The following ARHGEF28 variants were observed in gnomAD, a reference collection of about 807,000 sequenced individuals.
The protein encoded by ARHGEF28 is Rho guanine nucleotide exchange factor 28, also known as 190 kDa guanine nucleotide exchange factor.
ARHGEF28 carries 152 observed loss-of-function variants against 206.6 expected under a neutral mutation model. The observed-to-expected ratio is 0.74, with a 90% CI of 0.64 to 0.84. The LOEUF is 0.84. ARHGEF28 is among the 40% of genes least tolerant of loss of function. The pLI, the probability that ARHGEF28 is intolerant of heterozygous loss-of-function variation, is 0.00. For missense variants in ARHGEF28, 2,028 were observed against 2,073.2 expected, an observed-to-expected ratio of 0.98 and a Z score of 0.42; for synonymous variants, 763 against 776.4, an observed-to-expected ratio of 0.98 and a Z score of 0.29.
At chr5:73,635,679 A>G (rs2112126385) in intron 1 of ARHGEF28, among the ~76,000 whole-genome samples, 1 of 152,334 alleles carries the variant, frequency 6.6e-6, no homozygotes, top group South Asian at 2.1e-4. Context: ...ACATTTAGGT[A>G]TAAGAATCAG....
rs116264552 is a variant in ARHGEF28, at chr5:73,758,229, C to T, written c.475+5027C>T. On this transcript the variant is annotated intron_variant, in intron 4 of 35. Coordinates refer to ENST00000513042, the MANE Select transcript of ARHGEF28 (RefSeq NM_001177693.2). ...TTCTCTCCTAACCTATGGAGTAGGTCGAGCTTGTCCTGGTTAGGATTTCTA... is the reference window on the plus strand; with the variant it reads ...TTCTCTCCTAACCTATGGAGTAGGTTGAGCTTGTCCTGGTTAGGATTTCTA... Among the ~76,000 whole-genome samples the T allele has an allele frequency of 6.0e-3, 917 of 152,242 alleles. 10 individuals are homozygous for T. The highest frequency in any genetic ancestry group is 0.021 in the African/African-American group (867 of 41,530).
intron 1 of ARHGEF28, among the ~76,000 whole-genome samples, chr5:73,675,310 T>C (rs1235181938): frequency 6.6e-6 from 1 of 152,186 alleles, no homozygotes; most frequent in Non-Finnish European, 1.5e-5. Context: ...CTGTTTTTTT[T>C]CTACTGAGTG....
At chr5:73,818,601 T>C (rs920053925) in intron 9 of ARHGEF28, among the ~76,000 whole-genome samples, 8 of 152,186 alleles carry the variant, frequency 5.3e-5, no homozygotes, top group African/African-American at 1.9e-4. Flanking sequence ...AAGGGAGTGT[T>C]TAACCTCATA....
chr5:73,834,542 C>CTG (rs34258155), intron 10 of ARHGEF28, among the ~76,000 whole-genome samples: 3,593 of 146,286 alleles, frequency 0.025, 56 homozygotes, highest in Middle Eastern at 0.066. Flanking sequence ...AATAATATTC[C>CTG]TGTGTGTGTG....
rs1339358712 is a variant in ARHGEF28, at chr5:73,669,608, G to A, written c.-11-15233G>A. 3.3e-5 allele frequency among the ~76,000 whole-genome samples: 5 copies of A among 152,242 alleles called. No homozygotes were observed. In the East Asian group the frequency reaches 7.7e-4, roughly 24 times the overall value. ...ACATTTTATAAAGCTATATTCAGAC[G>A]TGTTGTAGTCTTAATATAACAACGA... On this transcript the variant is annotated intron_variant, in intron 1 of 35. Coordinates refer to ENST00000513042, the MANE Select transcript of ARHGEF28 (RefSeq NM_001177693.2).
At chr5:73,760,252 A>C (rs572372333) in intron 4 of ARHGEF28, among the ~76,000 whole-genome samples, 15 of 152,342 alleles carry the variant, frequency 9.8e-5, no homozygotes, top group Admixed American at 7.8e-4. Context: ...GTGGGTAGGA[A>C]ACCCATAAAG....
intron 2 of ARHGEF28, among the ~76,000 whole-genome samples, chr5:73,719,700 G>A (rs1749813862): frequency 6.6e-6 from 1 of 152,246 alleles, no homozygotes; most frequent in Non-Finnish European, 1.5e-5. Context: ...ATGTGTTATA[G>A]TAGATGTCAG....
intron 9 of ARHGEF28, among the ~76,000 whole-genome samples, chr5:73,822,898 A>T (rs1756684162): frequency 6.6e-6 from 1 of 152,154 alleles, no homozygotes; most frequent in African/African-American, 2.4e-5. Flanking sequence ...AAGTGCTGGG[A>T]TTATAGGCAT....
chr5:73,737,403 C>T (rs1009488118), intron 2 of ARHGEF28, among the ~76,000 whole-genome samples: 4 of 150,802 alleles, frequency 2.7e-5, no homozygotes, highest in Non-Finnish European at 5.9e-5. Flanking sequence ...AGCCCACTGC[C>T]GTTGTTTTTG....
intron 35 of ARHGEF28, among the ~76,000 whole-genome samples, chr5:73,936,708 C>T (rs547718730): frequency 5.2e-4 from 79 of 152,230 alleles, no homozygotes; most frequent in African/African-American, 1.8e-3. Context: ...TTAGGAGGCA[C>T]TTGGTTCATT....
intron 2 of ARHGEF28, among the ~76,000 whole-genome samples, chr5:73,703,597 A>G (rs1451199665): frequency 6.6e-6 from 1 of 151,772 alleles, no homozygotes; most frequent in Non-Finnish European, 1.5e-5. Context: ...TCTCTCTTTA[A>G]TTCAGTTACT....
chr5:73,923,653 A>G (rs1196866815), intron 35 of ARHGEF28, among the ~76,000 whole-genome samples: 3 of 151,606 alleles, frequency 2.0e-5, no homozygotes, highest in Non-Finnish European at 2.9e-5. Context: ...TAGACACACA[A>G]TTGAATTCTT....
intron 1 of ARHGEF28, among the ~76,000 whole-genome samples, chr5:73,632,324 G>C (rs1333077463): frequency 6.6e-6 from 1 of 152,168 alleles, no homozygotes; most frequent in South Asian, 2.1e-4. Context: ...ATGGGGAAAT[G>C]AATGAAATTC....
chr5:73,774,201 G>A (rs1459799222), intron 5 of ARHGEF28, among the ~76,000 whole-genome samples, 163 bp downstream of exon 5: 2 of 151,976 alleles, frequency 1.3e-5, no homozygotes, highest in Non-Finnish European at 2.9e-5. Context: ...TGGGATAATT[G>A]GTATTAATGT....
Position 73,857,766 on chromosome 5 carries a change from G to A in ARHGEF28, c.1901G>A (p.Arg634Gln), listed in dbSNP as rs533525206. ...SFLMNRMTSPRNKSKTKSKDA... is the reference protein window; with the variant it reads ...SFLMNRMTSPQNKSKTKSKDA... ...CTCATGAATAGGATGACTAGCCCTC[G>A]GAATAAATCAAAGGTAATTAAAGTG... Residue 634 changes from arginine to glutamine, a missense_variant, in exon 15 of 36, where the codon CGG (arginine) becomes CAG (glutamine). By Grantham distance (43) the Arg-to-Gln change is conservative. Transcript: ENST00000513042. 1.7e-5 allele frequency: 27 copies of A among 1,611,840 alleles called. No homozygotes were observed. The highest frequency in any genetic ancestry group is 1.2e-4 in the African/African-American group (9 of 74,892).
intron 4 of ARHGEF28, among the ~76,000 whole-genome samples, chr5:73,755,732 TA>T (rs1466453199): frequency 5.3e-5 from 8 of 152,150 alleles, no homozygotes; most frequent in South Asian, 2.1e-4. Flanking sequence ...TAGAGATACA[TA>T]AAAAAATAAG....
chr5:73,713,607 T>C (rs966242486), intron 2 of ARHGEF28, among the ~76,000 whole-genome samples: 4 of 152,164 alleles, frequency 2.6e-5, no homozygotes, highest in Admixed American at 2.6e-4. Context: ...GTGAATATTA[T>C]CACCACTCAG....
At chr5:73,768,997 C>T (rs756289375) in intron 4 of ARHGEF28, among the ~76,000 whole-genome samples, 14 of 151,950 alleles carry the variant, frequency 9.2e-5, no homozygotes, top group African/African-American at 2.2e-4. Flanking sequence ...TCCCTCTTGC[C>T]GCTGCCATGT....
At chr5:73,830,552 CAAAAAAAGAAAAAAAAAA>C (rs1757229426) in intron 9 of ARHGEF28, among the ~76,000 whole-genome samples, 1 of 74,976 alleles carries the variant, frequency 1.3e-5, no homozygotes, top group South Asian at 6.2e-4. Context: ...AACTCCATCT[CAAAAAAAGAAAAAAAAAA>C]AAAAAAAGAA....
Sources: allele counts gnomAD v4.1 joint callset (sites outside exome capture counted in the v4.1 genomes callset), GRCh38; gene constraint gnomAD v4.1.1; transcripts MANE v1.5; gene names NCBI Gene and HGNC (gene_info 2026-07-23, HGNC 2026-07-21).